The following MYH4 variants were observed in gnomAD, a reference collection of about 807,000 sequenced individuals.
The protein encoded by MYH4 is myosin-4.
A neutral mutation model predicts 229.9 loss-of-function variants in MYH4; 200 were observed. The ratio of observed to expected loss-of-function variants is 0.87; its 90% confidence interval spans 0.78 to 0.98. The LOEUF is 0.98. Ranked by LOEUF, MYH4 falls within the 50% of genes least tolerant of loss-of-function variation. The probability of loss-of-function intolerance (pLI) is 0.00; values close to 1 mark genes in which losing one functional copy is unlikely to be tolerated. For synonymous variants in MYH4, 761 were observed against 834.6 expected (o/e 0.91, Z 1.52); for missense variants, 2,148 against 2,332.6 (o/e 0.92, Z 1.63).
intron 27 of MYH4, 63 bp from the exon 28 acceptor site, chr17:10,451,515 G>C: frequency 6.5e-7 from 1 of 1,549,972 alleles, no homozygotes; most frequent in Non-Finnish European, 8.8e-7. Context: ...CTGGGATTTA[G>C]AGATCTGTAA....
Position 10,461,014 on chromosome 17 carries a change from A to G in MYH4, c.1049T>C (p.Val350Ala). 6.2e-7 allele frequency: 1 copy of G among 1,613,970 alleles called. No individual in the cohort carries two copies. Among genetic ancestry groups the G allele is most frequent in the African/African-American group, 1.3e-5 (1 of 74,966 alleles). The stretch of plus-strand genomic sequence containing the variant: ...GGCTCCAGTGAGCTTGTAAATGGCC[A>G]CCTTTTCATCAGCAGTGAAACCCAG... ...DILGFTADEK[V>A]AIYKLTGAVM... The change falls in exon 12 of 40, where the codon GTG (valine) becomes GCG (alanine). Residue 350 changes from valine (V) to alanine (A), a missense_variant. Coordinates refer to ENST00000255381, the MANE Select transcript of MYH4 (RefSeq NM_017533.2).
Position 10,443,309 on chromosome 17 carries a change from GGACAGT to G in MYH4, c.*60_*65del. On this transcript the variant is annotated 3_prime_UTR_variant, in exon 40 of 40. Transcript: ENST00000255381. This position sits in a 1 kb window ranked among gnomAD's most constrained non-coding sequence, Gnocchi z 4.6. ...AAAGATTTTATTTCCTTGATATACA[GGACAGT>G]GACAAAGAACTTCACATTTCGTGCA... 1 of 1,532,264 alleles carries G rather than the reference GGACAGT, an allele frequency of 6.5e-7. No individual in the cohort carries two copies. Among genetic ancestry groups the G allele is most frequent in the Non-Finnish European group, 9.0e-7 (1 of 1,110,562 alleles). 94.9% of individuals were successfully genotyped at this position (1,532,264 alleles called of 1,614,324 possible).
chr17:10,453,552 T>A (rs1196030415), intron 23 of MYH4, 91 bp downstream of exon 23: 14 of 1,590,320 alleles, frequency 8.8e-6, no homozygotes, highest in Non-Finnish European at 7.7e-6. Context: ...TGGTATTTTT[T>A]ATATTCAATC....
In MYH4 at chr17:10,452,903, T is replaced by C; in HGVS notation, c.3141A>G (p.Lys1047=). The change falls in exon 25 of 40, where the codon AAA becomes AAG. Residue 1047 remains lysine, a synonymous_variant. Transcript: ENST00000255381. ...TGGCTCTTTCTAAGTCCATGCAAAG[T>C]TTCTTTTCTTGTTCCAGAGATCCTT... is the stretch of plus-strand genomic sequence containing the variant. ...DLEGSLEQEK[K]LCMDLERAKR... 6.2e-7 allele frequency: 1 copy of C among 1,602,502 alleles called. No individual in the cohort carries two copies. Among genetic ancestry groups the C allele is most frequent in the Non-Finnish European group, 8.5e-7 (1 of 1,177,682 alleles).
At position 10,460,295 on chromosome 17, in the gene MYH4, T is replaced by TC; in HGVS notation, c.1173_1174insG (p.Ser392GlufsTer6). 1 of 1,609,916 alleles carries TC rather than the reference T, an allele frequency of 6.2e-7. No homozygotes were observed. Among genetic ancestry groups the TC allele is most frequent in the Non-Finnish European group, 8.5e-7 (1 of 1,176,576 alleles). ...TTGAGCAGGTCAGCAGAGTTCAGACTTGTCAGATAAGCAGCTTTGTCAGCA... is the reference window on the plus strand; with the variant it reads ...TTGAGCAGGTCAGCAGAGTTCAGACTCTGTCAGATAAGCAGCTTTGTCAGCA... On this transcript the variant is annotated frameshift_variant, in exon 13 of 40. Transcript: ENST00000255381. LOFTEE classifies it high-confidence loss of function.
At position 10,464,530 on chromosome 17, in the gene MYH4, G is replaced by C. The variant is rs1170327514; in HGVS notation, c.590C>G (p.Ala197Gly). 56 of 1,614,068 alleles carry C rather than the reference G, an allele frequency of 3.5e-5. No individual in the cohort carries two copies. Among genetic ancestry groups the C allele is most frequent in the Non-Finnish European group, 4.7e-5 (56 of 1,179,996 alleles). The change falls in exon 7 of 40, where the codon GCA (alanine) becomes GGA (glycine). Residue 197 changes from alanine to glycine, a missense_variant. By Grantham distance (60) the Ala-to-Gly change is moderately conservative. Coordinates refer to ENST00000255381, the MANE Select transcript of MYH4 (RefSeq NM_017533.2). ...VNTKRVIQYF[A>G]TIAVTGEKKK... ...CTTCTCTCCAGTAACTGCAATTGTTGCAAAGTACTGGATGACACGCTTCGT... is the reference window on the plus strand; with the variant it reads ...CTTCTCTCCAGTAACTGCAATTGTTCCAAAGTACTGGATGACACGCTTCGT...
intron 12 of MYH4, 28 bp downstream of exon 12, chr17:10,460,888 A>T: frequency 6.2e-7 from 1 of 1,612,718 alleles, no homozygotes; most frequent in Non-Finnish European, 8.5e-7. Context: ...AGCTTTGTCA[A>T]GTGGAAGATA....
At chr17:10,447,287 A>G in intron 34 of MYH4, 71 bp from the exon 35 acceptor site, 1 of 1,336,546 alleles carries the variant, frequency 7.5e-7, no homozygotes. Flanking sequence ...GGTCATGTAC[A>G]CTCTTTGATC....
intron 11 of MYH4, 142 bp downstream of exon 11, chr17:10,462,723 A>AT: frequency 1.7e-6 from 1 of 579,840 alleles, no homozygotes; most frequent in South Asian, 3.5e-5. Context: ...ATATCCTACA[A>AT]TTTTTTTCCA....
chr17:10,456,038 A>G (rs1790837500), intron 17 of MYH4, 137 bp from the exon 18 acceptor site: 2 of 1,079,256 alleles, frequency 1.9e-6, no homozygotes, highest in African/African-American at 3.2e-5. Context: ...GAGAGGAATC[A>G]TATAAGTGGA....
intron 23 of MYH4, 42 bp downstream of exon 23, chr17:10,453,601 C>A: frequency 6.2e-7 from 1 of 1,613,526 alleles, no homozygotes; most frequent in Non-Finnish European, 8.5e-7. Context: ...ACTTCAGTAT[C>A]AAGGTGCTTA....
intron 11 of MYH4, 143 bp from the exon 12 acceptor site, chr17:10,461,197 A>G (rs2072698127): frequency 3.4e-6 from 3 of 895,198 alleles, no homozygotes; most frequent in South Asian, 1.7e-5. Context: ...AGGTACTCAT[A>G]TGCTTTACCT....
chr17:10,443,583 A>C lies in MYH4; in HGVS notation c.5668-56T>G. 6.4e-7 allele frequency: 1 copy of C among 1,553,744 alleles called. No individual in the cohort carries two copies. Among genetic ancestry groups the C allele is most frequent in the Non-Finnish European group, 8.8e-7 (1 of 1,140,260 alleles). On this transcript the variant is annotated intron_variant, in intron 39 of 39. Transcript: ENST00000255381. This position sits in a 1 kb window ranked among gnomAD's most constrained non-coding sequence, Gnocchi z 4.6. ...GAAAATTGGACATTTCCTGATTGTTATTGCTTTTGTTACTTCAGGATTTGC... is the reference window on the plus strand; with the variant it reads ...GAAAATTGGACATTTCCTGATTGTTCTTGCTTTTGTTACTTCAGGATTTGC...
Position 10,450,435 on chromosome 17 carries a change from T to C in MYH4, c.4181+18A>G. ...TTACTTTTATTTCTTCCTGCTCCCCTGCACTAAAAGCACATACTTGGCCTC... is the reference window on the plus strand; with the variant it reads ...TTACTTTTATTTCTTCCTGCTCCCCCGCACTAAAAGCACATACTTGGCCTC... On this transcript the variant is annotated intron_variant, in intron 30 of 39. Coordinates refer to ENST00000255381, the MANE Select transcript of MYH4 (RefSeq NM_017533.2). 1 of 1,613,954 alleles carries C rather than the reference T, an allele frequency of 6.2e-7. No individual in the cohort carries two copies. Among genetic ancestry groups the C allele is most frequent in the Non-Finnish European group, 8.5e-7 (1 of 1,179,842 alleles).
Position 10,464,721 on chromosome 17 carries a change from A to T in MYH4, c.506-13T>A. ...TGGTTTTCACGATCTGTAAAAGAGAAGCCAAAGATAATATTTAGAAAAACA... is the reference window on the plus strand; with the variant it reads ...TGGTTTTCACGATCTGTAAAAGAGATGCCAAAGATAATATTTAGAAAAACA... On this transcript the variant is annotated splice_polypyrimidine_tract_variant and intron_variant, in intron 5 of 39. Transcript: ENST00000255381. 1.9e-6 allele frequency: 3 copies of T among 1,611,958 alleles called. No homozygotes were observed. Among genetic ancestry groups the T allele is most frequent in the Non-Finnish European group, 2.5e-6 (3 of 1,178,398 alleles).
intron 35 of MYH4, among the ~76,000 whole-genome samples, chr17:10,445,653 C>T (rs746601789): frequency 2.0e-5 from 3 of 152,088 alleles, no homozygotes; most frequent in Non-Finnish European, 4.4e-5. Context: ...TGGAGCACCA[C>T]ACCACAGCTC....
Position 10,464,496 on chromosome 17 carries a change from C to A in MYH4, c.624G>T (p.Glu208Asp), listed in dbSNP as rs765548950. Residue 208 changes from glutamate (E) to aspartate (D), a missense_variant, in exon 7 of 40, where the codon GAG becomes GAT. Physicochemically the swap from Glu to Asp is conservative, Grantham distance 45. Transcript: ENST00000255381. ...TIAVTGEKKK[E>D]EPASGKMQGT... ...CCTGCATTTTGCCAGAGGCAGGTTC[C>A]TCTTTTTTCTTCTCTCCAGTAACTG... The A allele has an allele frequency of 1.1e-5, 18 of 1,613,700 alleles. No homozygotes were observed. The highest frequency in any genetic ancestry group is 1.5e-5 in the Non-Finnish European group (18 of 1,179,940).
chr17:10,461,142 A>G lies in MYH4; in HGVS notation c.1009-88T>C, dbSNP rs569376914. 4.2e-5 allele frequency: 61 copies of G among 1,452,684 alleles called. No individual in the cohort carries two copies. In the East Asian group the frequency reaches 1.1e-3, roughly 27 times the overall value. The allele number at this position is 1,452,684 out of a possible 1,614,324, so 90.0% of individuals were successfully genotyped here. The stretch of plus-strand genomic sequence containing the variant: ...CGGGGCTGTCTCCCACTTTTTTCTC[A>G]TCACGCCTTGCCTTATATTTGACTA... On this transcript the variant is annotated intron_variant, in intron 11 of 39. Transcript: ENST00000255381.
chr17:10,448,623 A>T lies in MYH4; in HGVS notation c.4526T>A (p.Leu1509Ter). 6.2e-7 allele frequency: 1 copy of T among 1,613,286 alleles called. No individual in the cohort carries two copies. Among genetic ancestry groups the T allele is most frequent in the South Asian group, 1.1e-5 (1 of 90,966 alleles). The change falls in exon 32 of 40, where the codon TTA becomes TAA. Residue 1509 changes from leucine to a stop codon, truncating the protein, a stop_gained. Coordinates refer to ENST00000255381, the MANE Select transcript of MYH4 (RefSeq NM_017533.2). LOFTEE classifies it high-confidence loss of function. ...LETLKRENKN[L>*]QQEISDLTEQ... ...GAATGATTACAGTGACTCACGTTGT[A>T]AGTTCTTATTCTCTCGCTTTAGAGT...
Sources: allele counts gnomAD v4.1 joint callset (sites outside exome capture counted in the v4.1 genomes callset), GRCh38; gene constraint gnomAD v4.1.1; non-coding constraint Gnocchi (gnomAD v3.1); transcripts MANE v1.5; gene names NCBI Gene and HGNC (gene_info 2026-07-23, HGNC 2026-07-21).